Variants in KCND2 observed in about 807,000 individuals in gnomAD.
The protein encoded by KCND2 is A-type voltage-gated potassium channel KCND2.
KCND2 carries 16 observed loss-of-function variants against 54.4 expected under a neutral mutation model. That is an observed-to-expected ratio of 0.29 (90% CI 0.20 to 0.45). The LOEUF (loss-of-function observed/expected upper bound fraction) is 0.45. Among genes scored for constraint, KCND2 ranks in the 20% least tolerant of loss-of-function variants. The pLI, the probability that KCND2 is intolerant of heterozygous loss-of-function variation, is 1.00. For missense variants in KCND2, 486 were observed against 824.2 expected (o/e 0.59, Z 5.02); for synonymous variants, 317 against 310.7 (o/e 1.02, Z -0.21).
chr7:120,695,242 G>T (rs1792319152), intron 1 of KCND2, among the ~76,000 whole-genome samples: 1 of 151,126 alleles, frequency 6.6e-6, no homozygotes, highest in African/African-American at 2.4e-5. Flanking sequence ...AACTGAGCTT[G>T]ATATTTCAAT....
In KCND2 at chr7:120,746,153, A is replaced by T. The variant is rs1206773991; in HGVS notation, c.1715+126A>T. ...TCCTATGGTTCAGGAAGAGACAAAA[A>T]TGGTAGCGTAACAAGTAGGAAAATG... On this transcript the variant is annotated intron_variant, in intron 5 of 5. Coordinates refer to ENST00000331113, the MANE Select transcript of KCND2 (RefSeq NM_012281.3). 3 of 1,073,640 alleles carry T rather than the reference A, an allele frequency of 2.8e-6. No individual in the cohort carries two copies. The African/African-American group carries it at 4.6e-5, about 17-fold the overall frequency. 66.5% of individuals were successfully genotyped at this position (1,073,640 alleles called of 1,614,324 possible).
At chr7:120,612,549 T>C (rs1381476517) in intron 1 of KCND2, among the ~76,000 whole-genome samples, 1 of 152,228 alleles carries the variant, frequency 6.6e-6, no homozygotes, top group East Asian at 1.9e-4. Flanking sequence ...CTTTGTTGTA[T>C]TATTTTTCAA....
At chr7:120,346,695 C>T (rs1324852067) in intron 1 of KCND2, among the ~76,000 whole-genome samples, 1 of 151,918 alleles carries the variant, frequency 6.6e-6, no homozygotes, top group Non-Finnish European at 1.5e-5. Context: ...GTCTCTTTCT[C>T]TCTCTTTCTC....
chr7:120,678,777 T>TATATAC lies in KCND2; in HGVS notation c.1116-54125_1116-54124insTATACA, dbSNP rs1335291654. Reference sequence around the variant, plus strand: ...ATATATATATATATATATATATATATACACATAAACACACACATTCTCTAT... The same window carrying TATATAC: ...ATATATATATATATATATATATATATATATACACACATAAACACACACATTCTCTAT... On this transcript the variant is annotated intron_variant, in intron 1 of 5. Coordinates refer to ENST00000331113, the MANE Select transcript of KCND2 (RefSeq NM_012281.3). Among the ~76,000 whole-genome samples the TATATAC allele has an allele frequency of 2.5e-3, 301 of 122,530 alleles. 5 individuals carry two copies. The highest frequency in any genetic ancestry group is 8.0e-3 in the African/African-American group (281 of 34,930). 80.4% of individuals were successfully genotyped at this position (122,530 alleles called of 152,430 possible). A position where few individuals can be genotyped will look rare whatever the true frequency, so the allele number is the denominator to read the frequency against.
intron 1 of KCND2, among the ~76,000 whole-genome samples, chr7:120,686,444 A>G (rs1314017081): frequency 6.6e-6 from 1 of 152,194 alleles, no homozygotes; most frequent in Non-Finnish European, 1.5e-5. Flanking sequence ...GCAAATCCAT[A>G]CAGTTCTGCA....
chr7:120,728,132 CAA>C (rs571232607), intron 1 of KCND2, among the ~76,000 whole-genome samples: 6 of 46,836 alleles, frequency 1.3e-4, no homozygotes, highest in Non-Finnish European at 2.2e-4. Context: ...GATTCCGTCT[CAA>C]AAAAAAAAAA....
At chr7:120,328,750 A>C (rs943129555) in intron 1 of KCND2, among the ~76,000 whole-genome samples, 1 of 152,140 alleles carries the variant, frequency 6.6e-6, no homozygotes, top group Non-Finnish European at 1.5e-5. Flanking sequence ...TCATTTTCTG[A>C]GCTCATGTAT....
intron 1 of KCND2, among the ~76,000 whole-genome samples, chr7:120,460,456 A>G (rs543577132): frequency 1.7e-4 from 26 of 152,094 alleles, no homozygotes; most frequent in African/African-American, 5.8e-4. Context: ...TATCTCTTCA[A>G]GCATCAGGTC....
At chr7:120,479,445 G>A (rs972873083) in intron 1 of KCND2, among the ~76,000 whole-genome samples, 3 of 151,598 alleles carry the variant, frequency 2.0e-5, no homozygotes, top group Non-Finnish European at 2.9e-5. Flanking sequence ...ACATTAAGGT[G>A]AAAATTATAC....
At chr7:120,622,591 C>T (rs1793112948) in intron 1 of KCND2, among the ~76,000 whole-genome samples, 1 of 151,336 alleles carries the variant, frequency 6.6e-6, no homozygotes, top group African/African-American at 2.4e-5. Flanking sequence ...GGAGTTATAG[C>T]AGAATCATGG....
At chr7:120,413,130 GAAGT>G (rs1801474871) in intron 1 of KCND2, among the ~76,000 whole-genome samples, 1 of 152,004 alleles carries the variant, frequency 6.6e-6, no homozygotes, top group Non-Finnish European at 1.5e-5. Context: ...GTTTATTTAA[GAAGT>G]AAGACATTTA....
intron 1 of KCND2, among the ~76,000 whole-genome samples, chr7:120,488,828 C>T (rs900403359): frequency 6.6e-6 from 1 of 151,940 alleles, no homozygotes; most frequent in Non-Finnish European, 1.5e-5. Context: ...ACCGACACAT[C>T]AATTATGACT....
At chr7:120,725,456 A>G (rs1424773537) in intron 1 of KCND2, among the ~76,000 whole-genome samples, 1 of 152,174 alleles carries the variant, frequency 6.6e-6, no homozygotes, top group South Asian at 2.1e-4. Context: ...GGTAGGGGTC[A>G]ACTATTTCCA....
At chr7:120,515,139 C>T (rs1161353050) in intron 1 of KCND2, among the ~76,000 whole-genome samples, 3 of 151,984 alleles carry the variant, frequency 2.0e-5, no homozygotes, top group Admixed American at 2.0e-4. Context: ...TTGGGTTAAC[C>T]ACCCTCCAGC....
At chr7:120,576,246 A>G (rs1792432622) in intron 1 of KCND2, among the ~76,000 whole-genome samples, 1 of 152,210 alleles carries the variant, frequency 6.6e-6, no homozygotes, top group Non-Finnish European at 1.5e-5. Flanking sequence ...GAATGAATTA[A>G]TAAATATTAC....
chr7:120,594,897 C>T (rs1031195189), intron 1 of KCND2, among the ~76,000 whole-genome samples: 1 of 151,626 alleles, frequency 6.6e-6, no homozygotes, highest in East Asian at 2.0e-4. Context: ...GCGTGTGCCT[C>T]TAATCCTAGC....
chr7:120,528,170 A>G (rs1421715896), intron 1 of KCND2, among the ~76,000 whole-genome samples: 1 of 152,148 alleles, frequency 6.6e-6, no homozygotes, highest in African/African-American at 2.4e-5. Flanking sequence ...ACAGTAGTTT[A>G]TACAAACATT....
intron 1 of KCND2, among the ~76,000 whole-genome samples, chr7:120,635,030 A>G (rs1272673507): frequency 6.6e-6 from 1 of 152,204 alleles, no homozygotes; most frequent in Non-Finnish European, 1.5e-5. Context: ...CTACTAGTTG[A>G]CATCATTTTC....
At chr7:120,669,179 G>A (rs1791962045) in intron 1 of KCND2, among the ~76,000 whole-genome samples, 1 of 151,994 alleles carries the variant, frequency 6.6e-6, no homozygotes, top group African/African-American at 2.4e-5. Flanking sequence ...TGATAGTCTA[G>A]CGTCATTATC....
Sources: allele counts gnomAD v4.1 joint callset (sites outside exome capture counted in the v4.1 genomes callset), GRCh38; gene constraint gnomAD v4.1.1; transcripts MANE v1.5; gene names NCBI Gene and HGNC (gene_info 2026-07-23, HGNC 2026-07-21).